The following ENTREP1 variants were observed in gnomAD, a reference collection of about 807,000 sequenced individuals.
ENTREP1 encodes endosomal transmembrane epsin interactor 1.
the ENTREP1 span, among the ~76,000 whole-genome samples, chr9:69,349,566 T>C: frequency 6.6e-6 from 1 of 152,204 alleles, no homozygotes; most frequent in Non-Finnish European, 1.5e-5. Context: ...TTTGGAGAAA[T>C]GTCTATTCAG....
At chr9:69,331,675 A>C in the ENTREP1 span, among the ~76,000 whole-genome samples, 114 of 152,258 alleles carry the variant, frequency 7.5e-4, no homozygotes, top group Non-Finnish European at 1.1e-3. Context: ...CAGGGGATGA[A>C]AAGTGTGTTT....
At chr9:69,345,378 C>G in the ENTREP1 span, among the ~76,000 whole-genome samples, 1 of 152,186 alleles carries the variant, frequency 6.6e-6, no homozygotes, top group African/African-American at 2.4e-5. Flanking sequence ...CAGATTTGAC[C>G]TGGGTACTGT....
chr9:69,333,461 A>C, the ENTREP1 span, among the ~76,000 whole-genome samples: 9 of 151,874 alleles, frequency 5.9e-5, no homozygotes, highest in African/African-American at 2.2e-4. Context: ...TGTGCCACCA[A>C]ACCCAGCTAA....
chr9:69,391,511 A>T, the ENTREP1 span: 3 of 1,066,656 alleles, frequency 2.8e-6, no homozygotes, highest in Non-Finnish European at 4.3e-6. Flanking sequence ...ATTACACATT[A>T]AGATAGGTGG....
At chr9:69,383,818 G>GCCCCA in the ENTREP1 span, 1 of 1,603,106 alleles carries the variant, frequency 6.2e-7, no homozygotes, top group Non-Finnish European at 8.5e-7. Flanking sequence ...AGACAGCACC[G>GCCCCA]CCCCACCCCC....
At chr9:69,377,721 G>T in the ENTREP1 span, 1 of 1,613,712 alleles carries the variant, frequency 6.2e-7, no homozygotes, top group Non-Finnish European at 8.5e-7. Flanking sequence ...CGTTTTACTC[G>T]TGCACACCCC....
the ENTREP1 span, among the ~76,000 whole-genome samples, chr9:69,328,960 G>A: frequency 6.6e-6 from 1 of 152,104 alleles, no homozygotes; most frequent in Admixed American, 6.6e-5. Flanking sequence ...ATATACAAGG[G>A]ATCATATAAT....
At chr9:69,358,620 T>C in the ENTREP1 span, among the ~76,000 whole-genome samples, 25 of 151,720 alleles carry the variant, frequency 1.6e-4, no homozygotes, top group African/African-American at 5.3e-4. Context: ...CAAAACAGAG[T>C]GTGAAAGAGA....
At chr9:69,333,339 CTG>C in the ENTREP1 span, among the ~76,000 whole-genome samples, 12 of 151,490 alleles carry the variant, frequency 7.9e-5, no homozygotes, top group Non-Finnish European at 1.5e-4. Context: ...GAGATGGACT[CTG>C]TCACCCAGGC....
chr9:69,369,773 CTT>C, the ENTREP1 span, among the ~76,000 whole-genome samples: 1 of 152,052 alleles, frequency 6.6e-6, no homozygotes, highest in Admixed American at 6.6e-5. Context: ...GTGGTTTTTA[CTT>C]TGCACTTGTG....
At chr9:69,375,598 C>T in the ENTREP1 span, 1 of 663,676 alleles carries the variant, frequency 1.5e-6, no homozygotes, top group Non-Finnish European at 2.6e-6. Flanking sequence ...TATACCCTAG[C>T]CCATCCTGAC....
At chr9:69,370,506 A>C in the ENTREP1 span, among the ~76,000 whole-genome samples, 1 of 152,220 alleles carries the variant, frequency 6.6e-6, no homozygotes, top group Non-Finnish European at 1.5e-5. Flanking sequence ...TATTTTCCCC[A>C]AGATCTGATG....
At chr9:69,383,877 G>A in the ENTREP1 span, 1 of 1,570,114 alleles carries the variant, frequency 6.4e-7, no homozygotes, top group Non-Finnish European at 8.8e-7. Context: ...TCTTTTTAAG[G>A]AGTTCACTGG....
At chr9:69,387,506 A>G in the ENTREP1 span, 67 of 191,376 alleles carry the variant, frequency 3.5e-4, no homozygotes, top group African/African-American at 1.5e-3. Flanking sequence ...ATAGGCAGCC[A>G]TGGAAATTAG....
chr9:69,377,772 T>C, the ENTREP1 span: 33 of 1,590,382 alleles, frequency 2.1e-5, no homozygotes, highest in Middle Eastern at 2.1e-4. Flanking sequence ...CCCTGCAGTC[T>C]GAGTGGGATG....
At chr9:69,364,170 C>T in the ENTREP1 span, among the ~76,000 whole-genome samples, 1 of 152,034 alleles carries the variant, frequency 6.6e-6, no homozygotes, top group Non-Finnish European at 1.5e-5. Context: ...ATTGTATTTT[C>T]CAGTATATAA....
the ENTREP1 span, among the ~76,000 whole-genome samples, chr9:69,361,506 T>G: frequency 6.6e-6 from 1 of 152,208 alleles, no homozygotes; most frequent in Admixed American, 6.5e-5. Flanking sequence ...ACTTACGAAA[T>G]GTACTATAAT....
At chr9:69,331,164 CAT>C in the ENTREP1 span, among the ~76,000 whole-genome samples, 6 of 152,074 alleles carry the variant, frequency 3.9e-5, no homozygotes, top group African/African-American at 1.4e-4. Context: ...AGAAGTTTGA[CAT>C]ATTATTTTCT....
At chr9:69,389,825 A>G in the ENTREP1 span, among the ~76,000 whole-genome samples, 1 of 152,254 alleles carries the variant, frequency 6.6e-6, no homozygotes, top group Non-Finnish European at 1.5e-5. Flanking sequence ...AGATGCTATC[A>G]TCACAAATGT....
Sources: allele counts gnomAD v4.1 joint callset (sites outside exome capture counted in the v4.1 genomes callset), GRCh38; gene constraint gnomAD v4.1.1; transcripts MANE v1.5; gene names NCBI Gene and HGNC (gene_info 2026-07-23, HGNC 2026-07-21).